The following RARB variants were observed in gnomAD, a reference collection of about 807,000 sequenced individuals.
RARB encodes the protein retinoic acid receptor beta, also known as HBV-activated protein.
Under a neutral mutation model 51.9 loss-of-function variants are expected in RARB, and 17 were observed. The ratio of observed to expected loss-of-function variants is 0.33; its 90% CI spans 0.22 to 0.49. The LOEUF (loss-of-function observed/expected upper bound fraction) is 0.49, where lower values mean the gene tolerates loss of function less well. RARB is among the 20% of genes least tolerant of loss of function. The pLI is 0.99. For missense variants in RARB, 369 were observed against 550.8 expected, an observed-to-expected ratio of 0.67 and a Z score of 3.30; for synonymous variants, 215 against 195.4, an observed-to-expected ratio of 1.10 and a Z score of -0.84.
intron 1 of RARB, among the ~76,000 whole-genome samples, chr3:25,449,870 G>A (rs1436108333): frequency 6.6e-6 from 1 of 151,600 alleles, no homozygotes; most frequent in African/African-American, 2.4e-5. Context: ...TCCTGCCCCA[G>A]CCTCCCGAGT....
chr3:25,293,806 GT>G (rs1192619497), intron 5 of RARB, among the ~76,000 whole-genome samples: 3 of 152,052 alleles, frequency 2.0e-5, no homozygotes, highest in Non-Finnish European at 2.9e-5. Flanking sequence ...TGAAGAACTG[GT>G]TCTGCTCACC....
At chr3:24,855,859 C>A (rs1198888254) in intron 1 of RARB, among the ~76,000 whole-genome samples, 1 of 148,356 alleles carries the variant, frequency 6.7e-6, no homozygotes, top group African/African-American at 2.5e-5. Context: ...TCATGCCATT[C>A]TCCTGCCTCA....
chr3:25,156,587 T>A (rs1429424802), intron 4 of RARB, among the ~76,000 whole-genome samples: 2 of 143,956 alleles, frequency 1.4e-5, no homozygotes, highest in East Asian at 4.2e-4. Flanking sequence ...TCCTAATTTT[T>A]AAAGTGCTTG....
chr3:25,056,755 C>G (rs1000891084), intron 2 of RARB, among the ~76,000 whole-genome samples: 1 of 152,006 alleles, frequency 6.6e-6, no homozygotes. Context: ...TTTGCCATCA[C>G]CATTTTGAGA....
rs150911975 is a variant in RARB, at chr3:24,991,149, A to G, written c.-379-68976A>G. Among the ~76,000 whole-genome samples the G allele has an allele frequency of 2.1e-3, 314 of 152,348 alleles. 1 individual carries two copies. Among genetic ancestry groups the G allele is most frequent in the African/African-American group, 7.2e-3 (300 of 41,586 alleles). ...CTAAATAGATAATTATCTGTTAAAAAGAAAATTAGGGTTAGGCACGGTGAC... is the reference window on the plus strand; with the variant it reads ...CTAAATAGATAATTATCTGTTAAAAGGAAAATTAGGGTTAGGCACGGTGAC... On this transcript the variant is annotated intron_variant, in intron 2 of 11. Transcript: ENST00000383772.
intron 5 of RARB, among the ~76,000 whole-genome samples, chr3:25,179,340 C>A (rs935518152): frequency 6.6e-6 from 1 of 152,168 alleles, no homozygotes; most frequent in Admixed American, 6.5e-5. Flanking sequence ...GTAAATCCAA[C>A]TCATTAATTT....
chr3:25,570,731 A>G (rs528413123), intron 4 of RARB, among the ~76,000 whole-genome samples: 1 of 152,330 alleles, frequency 6.6e-6, no homozygotes, highest in South Asian at 2.1e-4. Flanking sequence ...CATGTAATAG[A>G]CACTCAGTAG....
chr3:24,983,931 T>C (rs1461089606), intron 2 of RARB, among the ~76,000 whole-genome samples: 1 of 152,112 alleles, frequency 6.6e-6, no homozygotes, highest in South Asian at 2.1e-4. Context: ...TGCAATAAAA[T>C]AAACCAAATG....
chr3:25,102,366 C>T (rs542598121), intron 3 of RARB, among the ~76,000 whole-genome samples: 4 of 151,980 alleles, frequency 2.6e-5, no homozygotes, highest in Non-Finnish European at 5.9e-5. Context: ...CATGGTGCAA[C>T]CCTGTCTCTA....
chr3:24,963,842 T>C (rs758608114), intron 2 of RARB, among the ~76,000 whole-genome samples: 5 of 150,932 alleles, frequency 3.3e-5, no homozygotes, highest in Non-Finnish European at 7.3e-5. Flanking sequence ...CAATATTTGA[T>C]TAATCTTTAA....
At chr3:25,305,337 T>C (rs1704129749) in intron 5 of RARB, among the ~76,000 whole-genome samples, 1 of 152,080 alleles carries the variant, frequency 6.6e-6, no homozygotes, top group African/African-American at 2.4e-5. Context: ...CAGACAGCAA[T>C]GCCCCAGAGC....
At chr3:25,450,513 G>A (rs1709145411) in intron 1 of RARB, among the ~76,000 whole-genome samples, 1 of 152,130 alleles carries the variant, frequency 6.6e-6, no homozygotes, top group Non-Finnish European at 1.5e-5. Flanking sequence ...CTCCAGAGCT[G>A]TAGTATTTTC....
chr3:25,561,135 C>T (rs1232663549), intron 3 of RARB, among the ~76,000 whole-genome samples: 1 of 152,070 alleles, frequency 6.6e-6, no homozygotes, highest in African/African-American at 2.4e-5. Flanking sequence ...AAATTTTATC[C>T]CAGGGTCCTT....
chr3:25,392,771 G>C (rs987211067), intron 5 of RARB, among the ~76,000 whole-genome samples: 1 of 152,096 alleles, frequency 6.6e-6, no homozygotes, highest in African/African-American at 2.4e-5. Flanking sequence ...TCATTTATCA[G>C]ATTTAGGAGC....
At chr3:25,189,429 G>A (rs1226942519) in intron 5 of RARB, among the ~76,000 whole-genome samples, 4 of 152,096 alleles carry the variant, frequency 2.6e-5, no homozygotes, top group East Asian at 1.9e-4. Flanking sequence ...AGGACCTGAG[G>A]AGCCAAAGGC....
At position 24,975,146 on chromosome 3, in the gene RARB, G is replaced by A. The variant is rs143806589; in HGVS notation, c.-379-84979G>A. ...GAGTAGTATGGCATAAGGATTTGGG[G>A]TTAGAATCTGTATCATGAATATCGT... On this transcript the variant is annotated intron_variant, in intron 2 of 11. Coordinates refer to the RARB transcript ENST00000383772. Among the ~76,000 whole-genome samples, 52 of 152,248 alleles carry A rather than the reference G, an allele frequency of 3.4e-4. 1 individual carries two copies. Among genetic ancestry groups the A allele is most frequent in the African/African-American group, 1.1e-3 (46 of 41,566 alleles).
chr3:25,151,078 A>T (rs1700279949), intron 4 of RARB, among the ~76,000 whole-genome samples: 1 of 152,142 alleles, frequency 6.6e-6, no homozygotes, highest in African/African-American at 2.4e-5. Flanking sequence ...TGGAAAACTC[A>T]TTTTGTGTTC....
At chr3:25,030,452 CTG>C (rs768354771) in intron 2 of RARB, among the ~76,000 whole-genome samples, 17 of 152,138 alleles carry the variant, frequency 1.1e-4, no homozygotes, top group African/African-American at 3.1e-4. Context: ...TGGTTTAAAA[CTG>C]TATTATCTTT....
intron 5 of RARB, among the ~76,000 whole-genome samples, chr3:25,309,913 T>C (rs939525204): frequency 2.0e-5 from 3 of 152,328 alleles, no homozygotes; most frequent in African/African-American, 4.8e-5. Flanking sequence ...ACCTACTTGA[T>C]GGCTTTAAAG....
Sources: gnomAD v4.1 joint callset for allele counts (sites outside exome capture counted in the v4.1 genomes callset) on GRCh38, gnomAD v4.1.1 for gene constraint, MANE v1.5 for transcripts, NCBI Gene and HGNC (gene_info 2026-07-23, HGNC 2026-07-21) for gene names.